MYO18B: variants seen among roughly 807,000 people sequenced by gnomAD.
MYO18B encodes the protein myosin XVIIIB, also known as unconventional myosin-XVIIIb.
A neutral mutation model predicts 273.0 loss-of-function variants in MYO18B; 204 were observed. The observed-to-expected ratio is 0.75, with a 90% CI of 0.67 to 0.84. The LOEUF (loss-of-function observed/expected upper bound fraction) is 0.84. Among genes scored for constraint, MYO18B ranks in the 40% least tolerant of loss-of-function variants. The probability of loss-of-function intolerance (pLI) is 0.00; values close to 1 mark genes in which losing one functional copy is unlikely to be tolerated. For synonymous variants in MYO18B, 1,330 were observed against 1,305.7 expected (o/e 1.02, Z -0.40); for missense variants, 3,212 against 3,287.6 (o/e 0.98, Z 0.56).
At chr22:25,868,632 G>T (rs988823512) in intron 22 of MYO18B, among the ~76,000 whole-genome samples, 2 of 152,190 alleles carry the variant, frequency 1.3e-5, no homozygotes, top group African/African-American at 4.8e-5. Context: ...GACCCCAAGT[G>T]GTTTGGAGGA....
chr22:25,888,223 G>C (rs566846799), intron 25 of MYO18B, among the ~76,000 whole-genome samples: 1 of 152,254 alleles, frequency 6.6e-6, no homozygotes, highest in South Asian at 2.1e-4. Context: ...TTATGCTTTA[G>C]AGATCCTGGT....
intron 1 of MYO18B, among the ~76,000 whole-genome samples, chr22:25,750,035 C>T (rs969034195): frequency 6.6e-6 from 1 of 152,170 alleles, no homozygotes; most frequent in Non-Finnish European, 1.5e-5. Flanking sequence ...AACCTACAGG[C>T]CTCAAAGCTC....
At chr22:25,923,474 T>C (rs1444174490) in intron 34 of MYO18B, among the ~76,000 whole-genome samples, 1 of 152,232 alleles carries the variant, frequency 6.6e-6, no homozygotes, top group Non-Finnish European at 1.5e-5. Flanking sequence ...ATTGTGCCCA[T>C]TTTACAGATG....
At chr22:25,922,388 G>T (rs2146450817) in intron 34 of MYO18B, among the ~76,000 whole-genome samples, 1 of 152,248 alleles carries the variant, frequency 6.6e-6, no homozygotes, top group East Asian at 1.9e-4. Flanking sequence ...GTGTTGAGAA[G>T]TGTGAATGGA....
chr22:26,053,053 C>T, the MYO18B span, among the ~76,000 whole-genome samples: 11,052 of 152,058 alleles, frequency 0.073, 465 homozygotes, highest in Middle Eastern at 0.15. Context: ...GTGATCCACC[C>T]GCCTCGAACT....
intron 21 of MYO18B, among the ~76,000 whole-genome samples, chr22:25,858,709 G>A (rs1048812147): frequency 2.0e-5 from 3 of 152,190 alleles, no homozygotes; most frequent in Admixed American, 6.5e-5. Context: ...ACAGGCTATC[G>A]GAATTTTCCT....
At chr22:25,838,491 C>T (rs1458297319) in intron 17 of MYO18B, among the ~76,000 whole-genome samples, 1 of 152,232 alleles carries the variant, frequency 6.6e-6, no homozygotes, top group Non-Finnish European at 1.5e-5. Context: ...CACAGTCATG[C>T]ACCACATAGC....
chr22:25,855,507 T>TCTC (rs1389438187), intron 21 of MYO18B, among the ~76,000 whole-genome samples: 2 of 152,060 alleles, frequency 1.3e-5, no homozygotes, highest in Non-Finnish European at 2.9e-5. Context: ...ATGATCTCGA[T>TCTC]CTGACCTCGT....
At chr22:25,865,718 C>G (rs768140972) in intron 21 of MYO18B, among the ~76,000 whole-genome samples, 89 of 152,150 alleles carry the variant, frequency 5.8e-4, no homozygotes, top group Non-Finnish European at 3.1e-4. Flanking sequence ...CCAGATGGAT[C>G]TAACTCTGGA....
chr22:25,807,433 T>C (rs1372670209), intron 12 of MYO18B, among the ~76,000 whole-genome samples: 2 of 152,236 alleles, frequency 1.3e-5, no homozygotes, highest in African/African-American at 4.8e-5. Context: ...CACTTTATTA[T>C]TTCCCAAGGC....
chr22:25,893,436 T>C (rs1166362856), intron 27 of MYO18B, among the ~76,000 whole-genome samples: 1 of 152,180 alleles, frequency 6.6e-6, no homozygotes, highest in Non-Finnish European at 1.5e-5. Context: ...GAGATGAGCC[T>C]TGAAGGAGAA....
chr22:25,851,413 G>T (rs940413755), intron 20 of MYO18B, 57 bp from the exon 21 acceptor site: 81 of 1,215,478 alleles, frequency 6.7e-5, no homozygotes, highest in Non-Finnish European at 9.1e-5. Flanking sequence ...AGGGAACTGG[G>T]CTGGGTCTTC....
intron 34 of MYO18B, among the ~76,000 whole-genome samples, chr22:25,933,143 C>T (rs1028757348): frequency 6.6e-6 from 1 of 152,092 alleles, no homozygotes; most frequent in African/African-American, 2.4e-5. Context: ...GAATGTTCCT[C>T]AATTTTGGGT....
chr22:25,876,003 C>CGTGTGTGT lies in MYO18B; in HGVS notation c.4081-151_4081-144dup, dbSNP rs4049349. On this transcript the variant is annotated intron_variant, in intron 23 of 43. Coordinates refer to ENST00000335473, the MANE Select transcript of MYO18B (RefSeq NM_032608.7). ...CAAAAAGACTACAAGAAAGGAAGCC[C>CGTGTGTGT]GTGTGTGTGTGTGTGTGTGTGTGTG... 6.3e-3 allele frequency among the ~76,000 whole-genome samples: 876 copies of CGTGTGTGT among 140,000 alleles called. 5 individuals carry two copies. The highest frequency in any genetic ancestry group is 0.016 in the African/African-American group (583 of 37,338). The allele number at this position is 140,000 out of a possible 152,430, so 91.8% of individuals were successfully genotyped here. A position where few individuals can be genotyped will look rare whatever the true frequency, so the allele number is the denominator to read the frequency against.
At chr22:25,905,635 C>T (rs1465161884) in intron 31 of MYO18B, among the ~76,000 whole-genome samples, 1 of 152,150 alleles carries the variant, frequency 6.6e-6, no homozygotes. Flanking sequence ...TGAAGACAGA[C>T]AGGATAGTCG....
intron 25 of MYO18B, among the ~76,000 whole-genome samples, chr22:25,884,177 TGTAG>T (rs1468230710): frequency 6.6e-6 from 1 of 152,182 alleles, no homozygotes; most frequent in Non-Finnish European, 1.5e-5. Flanking sequence ...TGCAGATGTA[TGTAG>T]GTCAGAAAGT....
intron 11 of MYO18B, among the ~76,000 whole-genome samples, chr22:25,789,623 G>A (rs1425488232): frequency 9.6e-6 from 1 of 104,496 alleles, no homozygotes; most frequent in African/African-American, 3.4e-5. Flanking sequence ...GTGACAGAGC[G>A]AGACTGTCTC....
intron 25 of MYO18B, among the ~76,000 whole-genome samples, chr22:25,890,490 A>G (rs1298020110): frequency 7.9e-5 from 12 of 152,172 alleles, no homozygotes; most frequent in Admixed American, 7.9e-4. Context: ...AAAAATAATG[A>G]TGTATGTTGT....
Position 25,768,201 on chromosome 22 carries a change from G to A in MYO18B, c.285G>A (p.Gln95=), listed in dbSNP as rs1378903759. The A allele has an allele frequency of 1.2e-6, 2 of 1,614,002 alleles. No individual in the cohort carries two copies. The highest frequency in any genetic ancestry group is 1.3e-5 in the African/African-American group (1 of 75,052). ...GCCAGCAGATCTCTCAGGACGACCA[G>A]TCAAGCTCTCCTGGGAGCTCAGACA... The part of the protein sequence containing the change: ...SGSQQISQDD[Q]SSSPGSSDIL... Residue 95 remains glutamine (Q), a synonymous_variant, in exon 4 of 44, where the codon CAG becomes CAA. Transcript: ENST00000335473.
Sources: allele counts gnomAD v4.1 joint callset (sites outside exome capture counted in the v4.1 genomes callset), GRCh38; gene constraint gnomAD v4.1.1; transcripts MANE v1.5; gene names NCBI Gene and HGNC (gene_info 2026-07-23, HGNC 2026-07-21).